Variants in PCDHGA4 observed in about 807,000 individuals in gnomAD.
The protein encoded by PCDHGA4 is protocadherin gamma subfamily A, 4, also known as protocadherin gamma-A4.
In PCDHGA4, 38 loss-of-function variants were observed where a neutral mutation model predicts 54.6. The observed-to-expected ratio is 0.70, with a 90% CI of 0.54 to 0.91. The LOEUF is 0.91. Among genes scored for constraint, PCDHGA4 ranks in the 40% least tolerant of loss-of-function variants. The pLI is 0.00. For synonymous variants in PCDHGA4, 511 were observed against 512.9 expected (o/e 1.00, Z 0.05); for missense variants, 1,298 against 1,220.9 (o/e 1.06, Z -0.94).
At chr5:141,375,331 C>A (rs755265511) in intron 1 of PCDHGA4, 1 of 1,613,806 alleles carries the variant, frequency 6.2e-7, no homozygotes, top group East Asian at 2.2e-5. Flanking sequence ...AAGAGGTATT[C>A]TTGTACAACA....
intron 1 of PCDHGA4, among the ~76,000 whole-genome samples, chr5:141,405,891 A>G (rs1029768115): frequency 1.3e-5 from 2 of 152,164 alleles, no homozygotes; most frequent in African/African-American, 4.8e-5. Flanking sequence ...TTGCTCCAAC[A>G]CTGAAAGGAG....
At chr5:141,459,499 G>A (rs2098968854) in intron 1 of PCDHGA4, among the ~76,000 whole-genome samples, 1 of 152,172 alleles carries the variant, frequency 6.6e-6, no homozygotes, top group Non-Finnish European at 1.5e-5. Context: ...TTAAAGTGAT[G>A]TGAACAATCA....
intron 1 of PCDHGA4, among the ~76,000 whole-genome samples, chr5:141,473,583 A>G (rs905824343): frequency 6.6e-6 from 1 of 152,226 alleles, no homozygotes; most frequent in Non-Finnish European, 1.5e-5. Flanking sequence ...CTAAGACCAG[A>G]CAGACCTGTA....
At chr5:141,392,818 C>T (rs1306076998) in intron 1 of PCDHGA4, 1 of 1,589,068 alleles carries the variant, frequency 6.3e-7, no homozygotes, top group East Asian at 2.2e-5. Flanking sequence ...ACAACAATGG[C>T]CGCTCCACAG....
chr5:141,435,444 A>G (rs1471113812), intron 1 of PCDHGA4, among the ~76,000 whole-genome samples: 1 of 152,216 alleles, frequency 6.6e-6, no homozygotes, highest in East Asian at 1.9e-4. Flanking sequence ...TTTCATTAAT[A>G]CGATATCTGT....
intron 1 of PCDHGA4, chr5:141,418,495 G>T (rs745982190): frequency 6.2e-7 from 1 of 1,613,974 alleles, no homozygotes; most frequent in South Asian, 1.1e-5. Context: ...ACTTGGTACT[G>T]ACCGCCTTAG....
At chr5:141,469,191 G>A (rs1431459571) in intron 1 of PCDHGA4, among the ~76,000 whole-genome samples, 1 of 151,882 alleles carries the variant, frequency 6.6e-6, no homozygotes, top group Admixed American at 6.6e-5. Flanking sequence ...CAAGAGGATT[G>A]CTTGAGCCTT....
chr5:141,384,682 G>A (rs1780361260), intron 1 of PCDHGA4: 1 of 1,614,222 alleles, frequency 6.2e-7, no homozygotes, highest in African/African-American at 1.3e-5. Context: ...GGTGGCGGTG[G>A]ACAAAGATTC....
At chr5:141,510,917 C>G in intron 3 of PCDHGA4, 30 bp from the exon 4 acceptor site, 1 of 1,613,854 alleles carries the variant, frequency 6.2e-7, no homozygotes, top group Non-Finnish European at 8.5e-7. Flanking sequence ...CTAAGTTTAG[C>G]TCCCACCTGA....
rs1188707468 is a variant in PCDHGA4 at position 141,384,157 on chromosome 5, A to G, written c.2514+26536A>G. The G allele has an allele frequency of 8.7e-6, 14 of 1,613,580 alleles. No individual in the cohort carries two copies. The highest frequency in any genetic ancestry group is 1.1e-5 in the South Asian group (1 of 91,054). ...CCGGGAAACACTCTCTTTGTATAAC[A>G]TCACACTGAAAGCCACAGATGGTGG... On this transcript the variant is annotated intron_variant, in intron 1 of 3. Coordinates refer to ENST00000571252, the MANE Select transcript of PCDHGA4 (RefSeq NM_018917.4).
chr5:141,459,260 T>G (rs551625614), intron 1 of PCDHGA4, among the ~76,000 whole-genome samples: 1 of 152,344 alleles, frequency 6.6e-6, no homozygotes, highest in South Asian at 2.1e-4. Flanking sequence ...TAAATTAGTG[T>G]TGCCTCTTTC....
At chr5:141,488,546 G>A (rs2099676755) in intron 1 of PCDHGA4, among the ~76,000 whole-genome samples, 1 of 152,188 alleles carries the variant, frequency 6.6e-6, no homozygotes, top group African/African-American at 2.4e-5. Context: ...TCCCATGTCA[G>A]CTGACATTGA....
chr5:141,490,061 A>T lies in PCDHGA4; in HGVS notation c.2515-4746A>T. The stretch of plus-strand genomic sequence containing the variant: ...GCCACTGATCCAGACGAGGGCACCA[A>T]CGGCCAACTAGACTATTCTTTTGGA... On this transcript the variant is annotated intron_variant, in intron 1 of 3. Transcript: ENST00000571252. This position sits in a 1 kb window ranked among gnomAD's most constrained non-coding sequence, Gnocchi z 5.4. 1 of 1,614,214 alleles carries T rather than the reference A, an allele frequency of 6.2e-7. No homozygotes were observed. The highest frequency in any genetic ancestry group is 8.5e-7 in the Non-Finnish European group (1 of 1,180,030).
chr5:141,477,747 C>A lies in PCDHGA4; in HGVS notation c.2515-17060C>A. ...ACAGCTCATATCAGCGATGGGGGCA[C>A]CCCGGTCCTAGCCACCAACATCAGC... On this transcript the variant is annotated intron_variant, in intron 1 of 3. Coordinates refer to ENST00000571252, the MANE Select transcript of PCDHGA4 (RefSeq NM_018917.4). The surrounding 1 kb of genome is among the most constrained non-coding windows in gnomAD (Gnocchi z 4.9). 1.9e-6 allele frequency: 3 copies of A among 1,613,840 alleles called. No individual in the cohort carries two copies. The highest frequency in any genetic ancestry group is 2.5e-6 in the Non-Finnish European group (3 of 1,180,044).
rs752145084 is a variant in PCDHGA4 at position 141,489,550 on chromosome 5, C to T, written c.2515-5257C>T. On this transcript the variant is annotated intron_variant, in intron 1 of 3. Coordinates refer to ENST00000571252, the MANE Select transcript of PCDHGA4 (RefSeq NM_018917.4). This position sits in a 1 kb window ranked among gnomAD's most constrained non-coding sequence, Gnocchi z 4.5. ...ATGTGGAGCCAGCACCAGCTGCCTGCTGCCAGTGCAGGTGGTGACTGAACA... is the reference window on the plus strand; with the variant it reads ...ATGTGGAGCCAGCACCAGCTGCCTGTTGCCAGTGCAGGTGGTGACTGAACA... The T allele has an allele frequency of 1.2e-6, 2 of 1,614,132 alleles. No homozygotes were observed. The highest frequency in any genetic ancestry group is 1.7e-5 in the Admixed American group (1 of 60,030).
Position 141,356,356 on chromosome 5 carries a change from A to T in PCDHGA4, c.1249A>T (p.Ile417Phe), listed in dbSNP as rs778071643. The T allele has an allele frequency of 1.3e-6, 2 of 1,556,868 alleles. No homozygotes were observed. Among genetic ancestry groups the T allele is most frequent in the South Asian group, 1.2e-5 (1 of 84,952 alleles). Reference sequence around the variant, plus strand: ...AGGAAATGGCCTAGTCACATGTTCTATTCCAGATAATCTGCCATTCACACT... The same window carrying T: ...AGGAAATGGCCTAGTCACATGTTCTTTTCCAGATAATCTGCCATTCACACT... ...SGGNGLVTCS[I>F]PDNLPFTLEK... The change falls in exon 1 of 4, where the codon ATT becomes TTT. Residue 417 changes from isoleucine (I) to phenylalanine (F), a missense_variant. Coordinates refer to ENST00000571252, the MANE Select transcript of PCDHGA4 (RefSeq NM_018917.4).
intron 1 of PCDHGA4, among the ~76,000 whole-genome samples, chr5:141,437,434 G>T (rs183505868): frequency 2.6e-5 from 4 of 152,194 alleles, no homozygotes; most frequent in East Asian, 3.8e-4. Context: ...AGCAGCAATA[G>T]CATAGGAATG....
chr5:141,505,026 G>T (rs190826538), intron 2 of PCDHGA4, among the ~76,000 whole-genome samples: 1 of 152,198 alleles, frequency 6.6e-6, no homozygotes, highest in South Asian at 2.1e-4. Context: ...GCCTGGCACA[G>T]TGGCAGGTGC....
At chr5:141,422,279 C>T (rs1344316011) in intron 1 of PCDHGA4, 1 of 1,557,956 alleles carries the variant, frequency 6.4e-7, no homozygotes, top group Non-Finnish European at 8.6e-7. Context: ...ATAACTATCA[C>T]CTCTTCTATT....
Sources: allele counts gnomAD v4.1 joint callset (sites outside exome capture counted in the v4.1 genomes callset), GRCh38; gene constraint gnomAD v4.1.1; non-coding constraint Gnocchi (gnomAD v3.1); transcripts MANE v1.5; gene names NCBI Gene and HGNC (gene_info 2026-07-23, HGNC 2026-07-21).